Variants in CTSD observed in about 807,000 individuals in gnomAD.
The protein encoded by CTSD is cathepsin D.
Under a neutral mutation model 43.6 loss-of-function variants are expected in CTSD, and 28 were observed. The observed-to-expected ratio is 0.64, with a 90% CI of 0.48 to 0.88. CTSD has a LOEUF of 0.88. Ranked by LOEUF, CTSD falls within the 40% of genes least tolerant of loss-of-function variation. The probability of loss-of-function intolerance (pLI) is 0.00; values close to 1 mark genes in which losing one functional copy is unlikely to be tolerated. For missense variants in CTSD, 485 were observed against 555.2 expected (o/e 0.87, Z 1.27); for synonymous variants, 270 against 249.8 (o/e 1.08, Z -0.76).
rs1206056940 is a variant in CTSD, at chr11:1,753,469, C to A, written c.*34G>T. On this transcript the variant is annotated 3_prime_UTR_variant, in exon 9 of 9. Coordinates refer to ENST00000236671, the MANE Select transcript of CTSD (RefSeq NM_001909.5). ...GGGCCTCCTGCTCTGGGACTCTCCT[C>A]TGTTTCTGTGCTGGCGCGCGGACGC... 1 of 1,612,628 alleles carries A rather than the reference C, an allele frequency of 6.2e-7. No individual in the cohort carries two copies. Among genetic ancestry groups the A allele is most frequent in the Non-Finnish European group, 8.5e-7 (1 of 1,179,678 alleles).
chr11:1,758,550 G>A (rs890315570), intron 4 of CTSD, among the ~76,000 whole-genome samples: 7 of 152,084 alleles, frequency 4.6e-5, no homozygotes, highest in East Asian at 1.9e-4. Context: ...GTGACTCTCC[G>A]CCAGCAGCCC....
At chr11:1,761,592 TC>T in intron 1 of CTSD, 124 bp from the exon 2 acceptor site, 2 of 1,031,682 alleles carry the variant, frequency 1.9e-6, no homozygotes, top group Non-Finnish European at 2.9e-6. Context: ...AAAACCAAAC[TC>T]CTGCCTGTCA....
intron 5 of CTSD, 65 bp from the exon 6 acceptor site, chr11:1,755,093 AG>A (rs2075318287): frequency 6.2e-7 from 1 of 1,601,232 alleles, no homozygotes; most frequent in Non-Finnish European, 8.5e-7. Context: ...CCAGGTCAGG[AG>A]TAAGAGGGTG....
intron 8 of CTSD, 43 bp downstream of exon 8, chr11:1,753,760 C>G: frequency 6.2e-7 from 1 of 1,609,120 alleles, no homozygotes; most frequent in Admixed American, 1.7e-5. Context: ...GCCCCCTCAC[C>G]GCCCGCTCAC....
chr11:1,758,858 C>G (rs1044686667), intron 4 of CTSD, 111 bp downstream of exon 4: 15 of 837,328 alleles, frequency 1.8e-5, no homozygotes, highest in Admixed American at 5.1e-5. Flanking sequence ...CACCTGAGGG[C>G]TGGGGTTGGG....
At position 1,761,456 on chromosome 11, in the gene CTSD, G is replaced by A; in HGVS notation, c.81C>T (p.His27=). Residue 27 remains histidine, a synonymous_variant, in exon 2 of 9, where the codon CAC becomes CAT. Coordinates refer to ENST00000236671, the MANE Select transcript of CTSD (RefSeq NM_001909.5). The stretch of plus-strand genomic sequence containing the variant: ...TGGTCCGGCGGATGGACGTGAACTT[G>A]TGCAGCGGGATCCTGTCAACCACGG... The part of the protein sequence containing the change: ...PASALVRIPL[H]KFTSIRRTMS... 1 of 1,613,850 alleles carries A rather than the reference G, an allele frequency of 6.2e-7. No homozygotes were observed. The highest frequency in any genetic ancestry group is 8.5e-7 in the Non-Finnish European group (1 of 1,180,000).
At chr11:1,758,526 C>T (rs1197890484) in intron 4 of CTSD, among the ~76,000 whole-genome samples, 2 of 152,084 alleles carry the variant, frequency 1.3e-5, no homozygotes, top group Non-Finnish European at 2.9e-5. Flanking sequence ...CCTTGCCCTC[C>T]CAGGCTCCTG....
chr11:1,761,490 A>G, intron 1 of CTSD, 22 bp from the exon 2 acceptor site: 2 of 1,613,528 alleles, frequency 1.2e-6, no homozygotes, highest in Middle Eastern at 1.6e-4. Flanking sequence ...GGGTCGGGGC[A>G]TATCAGGGAG....
At chr11:1,754,653 GT>G in intron 6 of CTSD, among the ~76,000 whole-genome samples, 1 of 148,480 alleles carries the variant, frequency 6.7e-6, no homozygotes, top group East Asian at 2.1e-4. Context: ...GGGATGGTGG[GT>G]CATGGAGAGT....
In CTSD at chr11:1,755,890, C is replaced by T. The variant is rs377440238; in HGVS notation, c.705-862G>A. Among the ~76,000 whole-genome samples the T allele has an allele frequency of 8.5e-5, 13 of 152,240 alleles. 1 individual carries two copies. The East Asian group carries it at 1.4e-3, about 16-fold the overall frequency. The stretch of plus-strand genomic sequence containing the variant: ...ATCCCAAGTGTAGAAACCTGATCAG[C>T]GCCTCCCACCCCTCCTCTCCTCACC... On this transcript the variant is annotated intron_variant, in intron 5 of 8. Coordinates refer to ENST00000236671, the MANE Select transcript of CTSD (RefSeq NM_001909.5).
chr11:1,759,197 T>G, intron 3 of CTSD, 110 bp from the exon 4 acceptor site: 1 of 977,562 alleles, frequency 1.0e-6, no homozygotes, highest in Non-Finnish European at 1.7e-6. Context: ...CCAAGCTGCC[T>G]CCCCAGGGTG....
intron 4 of CTSD, among the ~76,000 whole-genome samples, chr11:1,758,485 G>A (rs995683722): frequency 4.6e-5 from 7 of 152,122 alleles, no homozygotes; most frequent in Admixed American, 4.6e-4. Context: ...GATGCAGGCG[G>A]GGCCCCCAAC....
At chr11:1,761,101 G>A in intron 2 of CTSD, 2 of 623,108 alleles carry the variant, frequency 3.2e-6, no homozygotes, top group Admixed American at 2.4e-5. Flanking sequence ...GGCCCTAGCA[G>A]GACCAAGACC....
rs1021613206 is a variant in CTSD, at chr11:1,763,797, G to A, written c.63C>T (p.Leu21=). 2.0e-5 allele frequency: 31 copies of A among 1,525,728 alleles called. No homozygotes were observed. The highest frequency in any genetic ancestry group is 2.5e-5 in the Non-Finnish European group (29 of 1,142,840). The allele number at this position is 1,525,728 out of a possible 1,614,324, so 94.5% of individuals were successfully genotyped here. The change falls in exon 1 of 9, where the codon CTC becomes CTT. Residue 21 remains leucine, a synonymous_variant. Coordinates refer to ENST00000236671, the MANE Select transcript of CTSD (RefSeq NM_001909.5). ...CCCGGCCCCTGAGGCTTCACCTGAC[G>A]AGCGCGGAGGCGGGTGCAGCCAGCA... ...LCLLAAPASA[L]VRIPLHKFTS...
At chr11:1,761,205 C>T in intron 2 of CTSD, 104 bp downstream of exon 2, 1 of 1,383,460 alleles carries the variant, frequency 7.2e-7, no homozygotes, top group East Asian at 2.3e-5. Context: ...GTGAGCCACT[C>T]AAACTGCGCT....
At position 1,759,664 on chromosome 11, in the gene CTSD, G is replaced by A. The variant is rs112184520; in HGVS notation, c.229-25C>T. On this transcript the variant is annotated intron_variant, in intron 2 of 8. Transcript: ENST00000236671. ...CCTGGCAGGGGACAGGGTCCGTCAG[G>A]GATGGGAGAGGGGGCCCCATCTCCC... 1.1e-3 allele frequency: 1,790 copies of A among 1,602,338 alleles called. 19 individuals carry two copies. The African/African-American group carries it at 0.019, about 17-fold the overall frequency.
At chr11:1,754,293 G>T in intron 6 of CTSD, 155 bp from the exon 7 acceptor site, 1 of 830,696 alleles carries the variant, frequency 1.2e-6, no homozygotes, top group Non-Finnish European at 1.9e-6. Context: ...CCAGGGAAGA[G>T]GGTGGGAGAG....
chr11:1,758,849 A>G lies in CTSD; in HGVS notation c.471+120T>C. ...CCTCACCCTGCTGACTGCCCCGGCC[A>G]CCTGAGGGCTGGGGTTGGGCTGGGA... On this transcript the variant is annotated intron_variant, in intron 4 of 8. Coordinates refer to ENST00000236671, the MANE Select transcript of CTSD (RefSeq NM_001909.5). 3 of 800,794 alleles carry G rather than the reference A, an allele frequency of 3.7e-6. No individual in the cohort carries two copies. The East Asian group carries it at 7.4e-5, about 20-fold the overall frequency. 49.6% of individuals were successfully genotyped at this position (800,794 alleles called of 1,614,324 possible).
chr11:1,757,302 G>A (rs749772016), intron 5 of CTSD, 22 bp downstream of exon 5: 14 of 1,600,006 alleles, frequency 8.7e-6, no homozygotes, highest in African/African-American at 6.7e-5. Flanking sequence ...AACGCGGAGC[G>A]AGAGGGAACC....
Sources: allele counts gnomAD v4.1 joint callset (sites outside exome capture counted in the v4.1 genomes callset), GRCh38; gene constraint gnomAD v4.1.1; transcripts MANE v1.5; gene names NCBI Gene and HGNC (gene_info 2026-07-23, HGNC 2026-07-21).